SLC17A6: variants seen among roughly 807,000 people sequenced by gnomAD.
SLC17A6 encodes the protein solute carrier family 17 member 6.
A neutral mutation model predicts 67.1 loss-of-function variants in SLC17A6; 35 were observed. The ratio of observed to expected loss-of-function variants is 0.52; its 90% CI spans 0.40 to 0.69. The LOEUF (loss-of-function observed/expected upper bound fraction) is 0.69, where lower values mean the gene tolerates loss of function less well. Among genes scored for constraint, SLC17A6 ranks in the 30% least tolerant of loss-of-function variants. The pLI, the probability that SLC17A6 is intolerant of heterozygous loss-of-function variation, is 0.00. For synonymous variants in SLC17A6, 285 were observed against 252.3 expected (o/e 1.13, Z -1.23); for missense variants, 588 against 723.9 (o/e 0.81, Z 2.15).
Position 22,359,531 on chromosome 11 carries a change from T to C in SLC17A6, c.573+4T>C, listed in dbSNP as rs116500422. The stretch of plus-strand genomic sequence containing the variant: ...AATACTGCAGGGACTTGTTGAGGTA[T>C]GTAACTTCAGGGTGAAGCCTTTTTA... On this transcript the variant is annotated splice_donor_region_variant and intron_variant, in intron 4 of 11. Transcript: ENST00000263160. 4.4e-4 allele frequency: 684 copies of C among 1,560,376 alleles called. 3 individuals carry two copies. In the African/African-American group the frequency reaches 8.4e-3, roughly 19 times the overall value.
intron 1 of SLC17A6, among the ~76,000 whole-genome samples, chr11:22,339,184 TATATA>T (rs1564976573): frequency 3.1e-5 from 1 of 32,176 alleles, no homozygotes; most frequent in African/African-American, 1.1e-4. Context: ...ATATGTTTTA[TATATA>T]TATATATATA....
At position 22,376,089 on chromosome 11, in the gene SLC17A6, T is replaced by C; in HGVS notation, c.1282T>C (p.Ser428Pro). 1 of 1,606,178 alleles carries C rather than the reference T, an allele frequency of 6.2e-7. No individual in the cohort carries two copies. Among genetic ancestry groups the C allele is most frequent in the Non-Finnish European group, 8.5e-7 (1 of 1,175,088 alleles). ...LAVGFSGFAI[S>P]GFNVNHLDIA... ...AGTGGGATTCAGTGGATTTGCTATA[T>C]CTGGTAAGATATAATTTTTTTTCTT... The change falls in exon 10 of 12, where the codon TCT becomes CCT. Residue 428 changes from serine to proline, a missense_variant. Coordinates refer to ENST00000263160, the MANE Select transcript of SLC17A6 (RefSeq NM_020346.3).
At chr11:22,339,983 C>T (rs913652368) in intron 1 of SLC17A6, among the ~76,000 whole-genome samples, 2 of 152,074 alleles carry the variant, frequency 1.3e-5, no homozygotes, top group African/African-American at 4.8e-5. Flanking sequence ...ACATTGTGAT[C>T]GGACTTTAAG....
At chr11:22,372,047 A>G (rs999969197) in intron 8 of SLC17A6, among the ~76,000 whole-genome samples, 6 of 152,066 alleles carry the variant, frequency 3.9e-5, no homozygotes, top group Non-Finnish European at 8.8e-5. Context: ...AATGATAATG[A>G]TATTATTTAA....
intron 8 of SLC17A6, among the ~76,000 whole-genome samples, chr11:22,373,619 G>T (rs1856198156): frequency 6.6e-6 from 1 of 152,098 alleles, no homozygotes. Flanking sequence ...TCAGCATAAA[G>T]GCTAAGAGCC....
chr11:22,371,944 A>G (rs1307112946), intron 8 of SLC17A6, among the ~76,000 whole-genome samples: 2 of 152,124 alleles, frequency 1.3e-5, no homozygotes, highest in East Asian at 1.9e-4. Flanking sequence ...GTTCTACAAC[A>G]AAGTATTGGT....
At position 22,342,586 on chromosome 11, in the gene SLC17A6, C is replaced by A. The variant is rs115348741; in HGVS notation, c.340-661C>A. Among the ~76,000 whole-genome samples, 3 of 152,152 alleles carry A rather than the reference C, an allele frequency of 2.0e-5. No individual in the cohort carries two copies. The South Asian group carries it at 6.2e-4, about 32-fold the overall frequency. ...TACCTTGAGGTTCCCCTCGGGGAGT[C>A]ACCCAGGCTGCTCAGGGCGGAATTA... On this transcript the variant is annotated intron_variant, in intron 2 of 11. Coordinates refer to ENST00000263160, the MANE Select transcript of SLC17A6 (RefSeq NM_020346.3).
At chr11:22,354,777 C>G (rs186264298) in intron 3 of SLC17A6, among the ~76,000 whole-genome samples, 12 of 152,160 alleles carry the variant, frequency 7.9e-5, no homozygotes, top group Non-Finnish European at 1.5e-4. Context: ...TTTACTCACT[C>G]GGACATGGTT....
intron 1 of SLC17A6, among the ~76,000 whole-genome samples, chr11:22,340,965 C>A (rs1855808224): frequency 6.6e-6 from 1 of 152,178 alleles, no homozygotes; most frequent in Admixed American, 6.5e-5. Flanking sequence ...AGCGGAATAC[C>A]AGCATCGTCA....
chr11:22,371,720 A>T (rs1447802902), intron 8 of SLC17A6, among the ~76,000 whole-genome samples: 1 of 152,082 alleles, frequency 6.6e-6, no homozygotes, highest in Admixed American at 6.6e-5. Flanking sequence ...TGCAAAAAGT[A>T]ATTATAAATC....
chr11:22,362,944 CT>C, intron 6 of SLC17A6, 119 bp downstream of exon 6: 1 of 722,894 alleles, frequency 1.4e-6, no homozygotes, highest in Non-Finnish European at 2.4e-6. Flanking sequence ...TTATTTTCTT[CT>C]CTTAAGAATC....
chr11:22,360,643 A>T (rs768123845), intron 4 of SLC17A6, among the ~76,000 whole-genome samples: 1 of 151,814 alleles, frequency 6.6e-6, no homozygotes, highest in Non-Finnish European at 1.5e-5. Flanking sequence ...TCTAAACTTC[A>T]CTTTTCTCTG....
At chr11:22,372,005 C>G (rs1157464045) in intron 8 of SLC17A6, among the ~76,000 whole-genome samples, 1 of 151,892 alleles carries the variant, frequency 6.6e-6, no homozygotes, top group African/African-American at 2.4e-5. Context: ...ATTTTCTTAT[C>G]TCTAAATAAT....
At chr11:22,343,406 T>C in intron 3 of SLC17A6, 41 bp downstream of exon 3, 1 of 1,536,838 alleles carries the variant, frequency 6.5e-7, no homozygotes, top group Non-Finnish European at 8.9e-7. Flanking sequence ...GCGTGGTGTT[T>C]GTTTCCTCCG....
chr11:22,365,509 A>G lies in SLC17A6; in HGVS notation c.749-38A>G, dbSNP rs1264493501. ...TTTTATTGCAGCACATCACTGTTAA[A>G]TGGAAGTGACTTTCTCCTTCTGAAC... is the stretch of plus-strand genomic sequence containing the variant. On this transcript the variant is annotated intron_variant, in intron 6 of 11. Coordinates refer to ENST00000263160, the MANE Select transcript of SLC17A6 (RefSeq NM_020346.3). 2.5e-6 allele frequency: 4 copies of G among 1,611,156 alleles called. No individual in the cohort carries two copies. The Admixed American group carries it at 6.7e-5, about 27-fold the overall frequency.
chr11:22,372,472 C>T (rs11822312), intron 8 of SLC17A6, among the ~76,000 whole-genome samples: 5,361 of 151,622 alleles, frequency 0.035, 291 homozygotes, highest in African/African-American at 0.12. Context: ...GGCATATCAG[C>T]GGGTCAGTGC....
At chr11:22,372,913 C>A (rs150193704) in intron 8 of SLC17A6, among the ~76,000 whole-genome samples, 2 of 152,122 alleles carry the variant, frequency 1.3e-5, no homozygotes. Flanking sequence ...AAACTTGAAA[C>A]CTCTTTGGCT....
intron 9 of SLC17A6, among the ~76,000 whole-genome samples, chr11:22,375,727 G>T (rs910072708): frequency 6.6e-6 from 1 of 152,056 alleles, no homozygotes; most frequent in African/African-American, 2.4e-5. Flanking sequence ...TGATCTGCCC[G>T]CCTCGGCCTC....
intron 3 of SLC17A6, among the ~76,000 whole-genome samples, chr11:22,344,069 G>A (rs1855849954): frequency 6.6e-6 from 1 of 152,138 alleles, no homozygotes; most frequent in African/African-American, 2.4e-5. Context: ...GGGTGGAGGT[G>A]TCGAGGGGCA....
Sources: allele counts gnomAD v4.1 joint callset (sites outside exome capture counted in the v4.1 genomes callset), GRCh38; gene constraint gnomAD v4.1.1; transcripts MANE v1.5; gene names NCBI Gene and HGNC (gene_info 2026-07-23, HGNC 2026-07-21).